Variants in INPP4B observed in about 807,000 individuals in gnomAD.
INPP4B encodes inositol polyphosphate-4-phosphatase type II B, also known as inositol polyphosphate 4-phosphatase type II.
INPP4B carries 55 observed loss-of-function variants against 122.5 expected under a neutral mutation model. That is an observed-to-expected ratio of 0.45 (90% confidence interval 0.36 to 0.56). INPP4B has a LOEUF of 0.56. Ranked by LOEUF, INPP4B falls within the 20% of genes least tolerant of loss-of-function variation. The pLI, the probability that INPP4B is intolerant of heterozygous loss-of-function variation, is 0.00. For missense variants in INPP4B, 1,000 were observed against 1,097.7 expected (o/e 0.91, Z 1.26); for synonymous variants, 403 against 388.7 (o/e 1.04, Z -0.43).
At chr4:142,248,462 C>T (rs1730163978) in intron 11 of INPP4B, among the ~76,000 whole-genome samples, 1 of 151,706 alleles carries the variant, frequency 6.6e-6, no homozygotes, top group African/African-American at 2.4e-5. Flanking sequence ...CTCAGCCTCC[C>T]AAGTAGCTGG....
chr4:142,348,512 A>G (rs1015198799), intron 7 of INPP4B, among the ~76,000 whole-genome samples: 1 of 152,020 alleles, frequency 6.6e-6, no homozygotes, highest in African/African-American at 2.4e-5. Context: ...TAGATGGTGA[A>G]GAGACACTAA....
intron 1 of INPP4B, among the ~76,000 whole-genome samples, chr4:142,807,760 A>G (rs962501727): frequency 1.5e-4 from 23 of 150,672 alleles, no homozygotes; most frequent in African/African-American, 5.7e-4. Flanking sequence ...CAATGTCACA[A>G]CTTTTATTTT....
chr4:142,164,103 A>G (rs576525174), intron 16 of INPP4B, among the ~76,000 whole-genome samples: 5 of 151,876 alleles, frequency 3.3e-5, no homozygotes, highest in African/African-American at 7.2e-5. Flanking sequence ...ACATTTTTCC[A>G]ATTCATATCC....
At chr4:142,579,390 G>A (rs754287269) in intron 2 of INPP4B, among the ~76,000 whole-genome samples, 3 of 151,882 alleles carry the variant, frequency 2.0e-5, no homozygotes, top group Non-Finnish European at 4.4e-5. Context: ...GAGTGGTTCC[G>A]AATCAAACTA....
At chr4:142,190,144 C>CA (rs1357483468) in intron 15 of INPP4B, among the ~76,000 whole-genome samples, 1 of 151,552 alleles carries the variant, frequency 6.6e-6, no homozygotes, top group Non-Finnish European at 1.5e-5. Context: ...TGGTAGTTCC[C>CA]AAAAAACCTG....
intron 8 of INPP4B, among the ~76,000 whole-genome samples, 164 bp downstream of exon 8, chr4:142,314,548 T>G (rs1766762702): frequency 6.6e-6 from 1 of 152,026 alleles, no homozygotes; most frequent in South Asian, 2.1e-4. Flanking sequence ...AAAAATGAAT[T>G]CCATGCAATT....
Position 142,096,103 on chromosome 4 carries a change from G to T in INPP4B, c.2375-9847C>A, listed in dbSNP as rs1291407466. The T allele has an allele frequency of 2.0e-5, 3 of 152,270 alleles. No homozygotes were observed. In the East Asian group the frequency reaches 5.8e-4, roughly 29 times the overall value. 9.4% of individuals were successfully genotyped at this position (152,270 alleles called of 1,614,324 possible). On this transcript the variant is annotated intron_variant, in intron 23 of 25. Transcript: ENST00000262992. ...GACTCACCTAAGTGAGCTTTCAATT[G>T]AATTTATGTCTTTTGATTTCATGCC...
chr4:142,097,229 T>TTTG (rs1782268253), intron 23 of INPP4B, among the ~76,000 whole-genome samples: 3 of 140,302 alleles, frequency 2.1e-5, no homozygotes, highest in African/African-American at 7.9e-5. Flanking sequence ...ATGTTATTTT[T>TTTG]ATTTTATTTT....
intron 1 of INPP4B, among the ~76,000 whole-genome samples, chr4:142,769,642 T>C (rs1167162093): frequency 2.0e-5 from 3 of 152,090 alleles, no homozygotes; most frequent in Non-Finnish European, 4.4e-5. Context: ...CAGCCAGGTA[T>C]GGTGGCTCAC....
At chr4:142,136,422 A>T (rs1804298262) in intron 18 of INPP4B, among the ~76,000 whole-genome samples, 1 of 152,262 alleles carries the variant, frequency 6.6e-6, no homozygotes, top group African/African-American at 2.4e-5. Flanking sequence ...CATTAATCTC[A>T]GAGCACAGGG....
At chr4:142,588,195 T>C (rs903556719) in intron 2 of INPP4B, among the ~76,000 whole-genome samples, 3 of 151,928 alleles carry the variant, frequency 2.0e-5, no homozygotes, top group African/African-American at 7.2e-5. Flanking sequence ...TCAGTTAACA[T>C]TATATTTAAT....
chr4:142,686,104 T>G (rs1759314027), intron 2 of INPP4B, among the ~76,000 whole-genome samples: 1 of 151,798 alleles, frequency 6.6e-6, no homozygotes, highest in Admixed American at 6.6e-5. Flanking sequence ...CTTCAAAGAG[T>G]CTAGGACTGT....
chr4:142,459,960 G>T (rs1816365611), intron 3 of INPP4B, among the ~76,000 whole-genome samples: 1 of 152,130 alleles, frequency 6.6e-6, no homozygotes. Flanking sequence ...TTAAGTCTTT[G>T]CCTGCAGTGT....
intron 2 of INPP4B, among the ~76,000 whole-genome samples, chr4:142,701,616 T>A (rs1463585666): frequency 6.6e-6 from 1 of 152,208 alleles, no homozygotes; most frequent in Non-Finnish European, 1.5e-5. Flanking sequence ...ATTGTAGAAT[T>A]TTTTGTTAAA....
chr4:142,450,084 T>C (rs113038959), intron 3 of INPP4B, among the ~76,000 whole-genome samples: 4,485 of 152,204 alleles, frequency 0.029, 248 homozygotes, highest in African/African-American at 0.1. Flanking sequence ...ACCCTTGCCA[T>C]AGAGCAGCCC....
At chr4:142,751,178 A>G (rs75327165) in intron 1 of INPP4B, among the ~76,000 whole-genome samples, 1 of 151,808 alleles carries the variant, frequency 6.6e-6, no homozygotes, top group South Asian at 2.1e-4. Flanking sequence ...CATTAGTCAA[A>G]TGATAAAAGT....
chr4:142,140,187 T>C (rs1361369281), intron 18 of INPP4B, among the ~76,000 whole-genome samples: 1 of 152,268 alleles, frequency 6.6e-6, no homozygotes, highest in Non-Finnish European at 1.5e-5. Context: ...GGAGGTTTAC[T>C]GCCTTTGAAA....
At chr4:142,131,824 G>A (rs111438796) in intron 18 of INPP4B, among the ~76,000 whole-genome samples, 2,175 of 152,122 alleles carry the variant, frequency 0.014, 44 homozygotes, top group African/African-American at 0.049. Context: ...GCATGGTGGC[G>A]CATGCCTATA....
chr4:142,727,718 A>G (rs1486885406), intron 1 of INPP4B, among the ~76,000 whole-genome samples: 1 of 152,118 alleles, frequency 6.6e-6, no homozygotes, highest in Non-Finnish European at 1.5e-5. Flanking sequence ...CTGTCTCTAC[A>G]AAAACAAAAA....
Sources: gnomAD v4.1 joint callset for allele counts (sites outside exome capture counted in the v4.1 genomes callset) on GRCh38, gnomAD v4.1.1 for gene constraint, MANE v1.5 for transcripts, NCBI Gene and HGNC (gene_info 2026-07-23, HGNC 2026-07-21) for gene names.